Variants in JARID2 observed in about 807,000 individuals in gnomAD.
The protein encoded by JARID2 is protein Jumonji.
A neutral mutation model predicts 125.6 loss-of-function variants in JARID2; 21 were observed. That is an observed-to-expected ratio of 0.17 (90% confidence interval 0.12 to 0.24). The LOEUF is 0.24. Among genes scored for constraint, JARID2 ranks in the 10% least tolerant of loss-of-function variants. The pLI is 1.00. For missense variants in JARID2, 1,303 were observed against 1,639.6 expected (o/e 0.79, Z 3.55); for synonymous variants, 736 against 661.6 (o/e 1.11, Z -1.73).
intron 1 of JARID2, among the ~76,000 whole-genome samples, chr6:15,282,564 C>G (rs1252156295): frequency 6.6e-6 from 1 of 150,904 alleles, no homozygotes; most frequent in Non-Finnish European, 1.5e-5. Context: ...TTGTCTTTCT[C>G]TCTTTCTCTT....
intron 2 of JARID2, among the ~76,000 whole-genome samples, chr6:15,393,064 T>C (rs1329850940): frequency 6.6e-6 from 1 of 152,164 alleles, no homozygotes; most frequent in Non-Finnish European, 1.5e-5. Flanking sequence ...AGTGCAGCCA[T>C]AGAGGCAGGA....
rs532011762 is a variant in JARID2, at chr6:15,401,870, G to C, written c.182-8354G>C. ...AGAATGCTGCTCTGGGAGGCAGTAG[G>C]CCTTTCTGAAGTTATTTGTTGTCAG... On this transcript the variant is annotated intron_variant, in intron 2 of 17. Transcript: ENST00000341776. Among the ~76,000 whole-genome samples the C allele has an allele frequency of 3.1e-3, 464 of 149,828 alleles. 3 individuals carry two copies. The highest frequency in any genetic ancestry group is 0.011 in the African/African-American group (451 of 40,706).
chr6:15,364,389 A>C (rs545212495), intron 1 of JARID2, among the ~76,000 whole-genome samples: 1 of 152,246 alleles, frequency 6.6e-6, no homozygotes, highest in East Asian at 1.9e-4. Flanking sequence ...CGGAGGCTTT[A>C]TTTTGTAGTG....
At chr6:15,429,855 C>A (rs748794288) in intron 3 of JARID2, among the ~76,000 whole-genome samples, 33 of 152,116 alleles carry the variant, frequency 2.2e-4, no homozygotes, top group Non-Finnish European at 2.9e-5. Flanking sequence ...CACATCTGAC[C>A]ACAGGGAAGC....
At chr6:15,429,158 G>A (rs995799473) in intron 3 of JARID2, among the ~76,000 whole-genome samples, 2 of 152,064 alleles carry the variant, frequency 1.3e-5, no homozygotes, top group African/African-American at 4.8e-5. Flanking sequence ...TATCCCCAAT[G>A]GTGGCAGAGT....
intron 2 of JARID2, among the ~76,000 whole-genome samples, chr6:15,404,527 A>G (rs1311233763): frequency 1.8e-3 from 21 of 11,572 alleles, no homozygotes; most frequent in African/African-American, 3.7e-3. Flanking sequence ...GTGCACACAC[A>G]CACACACACA....
chr6:15,513,228 G>C lies in JARID2; in HGVS notation c.3267-11G>C, dbSNP rs201801273. ...TCACTAAAGGTGCGGGCCGTCTCCC[G>C]TGTCTGGCAGGGATACAGAGCTGCG... On this transcript the variant is annotated splice_polypyrimidine_tract_variant and intron_variant, in intron 15 of 17. Transcript: ENST00000341776. The C allele has an allele frequency of 6.4e-7, 1 of 1,556,438 alleles. No homozygotes were observed. Among genetic ancestry groups the C allele is most frequent in the Admixed American group, 1.9e-5 (1 of 51,288 alleles).
At chr6:15,297,524 A>G (rs891151129) in intron 1 of JARID2, among the ~76,000 whole-genome samples, 3 of 148,486 alleles carry the variant, frequency 2.0e-5, no homozygotes, top group African/African-American at 7.5e-5. Flanking sequence ...GTTTTTTTGT[A>G]TGGATGGGAT....
intron 2 of JARID2, among the ~76,000 whole-genome samples, chr6:15,389,105 A>G (rs893098935): frequency 3.9e-5 from 6 of 152,168 alleles, no homozygotes; most frequent in Non-Finnish European, 7.4e-5. Context: ...GCCATGTGTT[A>G]CATGAAGGCA....
At chr6:15,350,131 T>C (rs3846948) in intron 1 of JARID2, among the ~76,000 whole-genome samples, 1 of 152,106 alleles carries the variant, frequency 6.6e-6, no homozygotes, top group East Asian at 1.9e-4. Flanking sequence ...CGGCTGGAAT[T>C]TGGGGAGACA....
chr6:15,495,909 A>T (rs1770393890), intron 6 of JARID2, among the ~76,000 whole-genome samples: 1 of 152,190 alleles, frequency 6.6e-6, no homozygotes, highest in South Asian at 2.1e-4. Context: ...GTGACGAAGG[A>T]TAGGTATATA....
At chr6:15,271,847 A>G (rs1760309290) in intron 1 of JARID2, among the ~76,000 whole-genome samples, 1 of 152,198 alleles carries the variant, frequency 6.6e-6, no homozygotes, top group Admixed American at 6.5e-5. Context: ...TAAAAATATA[A>G]AAAGTAGCTG....
At chr6:15,501,774 G>A (rs142143992) in intron 8 of JARID2, among the ~76,000 whole-genome samples, 2 of 152,222 alleles carry the variant, frequency 1.3e-5, no homozygotes, top group African/African-American at 2.4e-5. Context: ...CTAGGGCCTC[G>A]GGTTTCCTTT....
intron 16 of JARID2, among the ~76,000 whole-genome samples, chr6:15,515,927 C>T (rs1415946134): frequency 3.4e-5 from 5 of 145,082 alleles, no homozygotes; most frequent in East Asian, 2.1e-4. Context: ...CCCAGCTACT[C>T]GGGAGGTGGA....
In JARID2 at chr6:15,483,383, T is replaced by C. The variant is rs886350007; in HGVS notation, c.671-3924T>C. ...TATCAAGGTCATTCTTAAGTGAAACTGGCTGTTTTTTTTTTTTAACTGCTA... is the reference window on the plus strand; with the variant it reads ...TATCAAGGTCATTCTTAAGTGAAACCGGCTGTTTTTTTTTTTTAACTGCTA... On this transcript the variant is annotated intron_variant, in intron 5 of 17. Transcript: ENST00000341776. Among the ~76,000 whole-genome samples the C allele has an allele frequency of 3.1e-5, 3 of 98,166 alleles. No homozygotes were observed. In the Admixed American group the frequency reaches 3.6e-4, roughly 12 times the overall value. The allele number at this position is 98,166 out of a possible 152,430, so 64.4% of individuals were successfully genotyped here.
intron 1 of JARID2, chr6:15,247,758 C>A (rs749687785): frequency 1.0e-6 from 1 of 985,210 alleles, no homozygotes; most frequent in Non-Finnish European, 1.2e-6. Flanking sequence ...TATCTAGACA[C>A]GTCAACTTCA....
intron 5 of JARID2, among the ~76,000 whole-genome samples, chr6:15,481,397 A>G (rs1206246173): frequency 1.3e-5 from 2 of 152,198 alleles, no homozygotes; most frequent in African/African-American, 2.4e-5. Flanking sequence ...ACTTCTATAC[A>G]TTGAACTTTC....
At chr6:15,368,100 A>G (rs1181309948) in intron 1 of JARID2, among the ~76,000 whole-genome samples, 1 of 152,170 alleles carries the variant, frequency 6.6e-6, no homozygotes, top group Non-Finnish European at 1.5e-5. Flanking sequence ...CTATATCAAA[A>G]CAATCTGGTT....
intron 1 of JARID2, 65 bp downstream of exon 1, chr6:15,246,649 T>G: frequency 7.4e-7 from 1 of 1,345,122 alleles, no homozygotes; most frequent in East Asian, 2.3e-5. Flanking sequence ...AATGTCAAGT[T>G]TATAGATAAT....
Sources: gnomAD v4.1 joint callset for allele counts (sites outside exome capture counted in the v4.1 genomes callset) on GRCh38, gnomAD v4.1.1 for gene constraint, MANE v1.5 for transcripts, NCBI Gene and HGNC (gene_info 2026-07-23, HGNC 2026-07-21) for gene names.